Variants in BAZ2B observed in about 807,000 individuals in gnomAD.
BAZ2B encodes the protein bromodomain adjacent to zinc finger domain protein 2B.
In BAZ2B, 91 loss-of-function variants were observed where a neutral mutation model predicts 246.0. The ratio of observed to expected loss-of-function variants is 0.37; its 90% confidence interval spans 0.31 to 0.44. The LOEUF is 0.44. Among genes scored for constraint, BAZ2B ranks in the 20% least tolerant of loss-of-function variants. The probability of loss-of-function intolerance (pLI) is 1.00; values close to 1 mark genes in which losing one functional copy is unlikely to be tolerated. For synonymous variants in BAZ2B, 855 were observed against 860.0 expected, an observed-to-expected ratio of 0.99 and a Z score of 0.10; for missense variants, 2,332 against 2,533.7, an observed-to-expected ratio of 0.92 and a Z score of 1.71.
intron 2 of BAZ2B, among the ~76,000 whole-genome samples, chr2:159,529,431 A>C (rs1033663584): frequency 3.9e-5 from 6 of 152,146 alleles, no homozygotes; most frequent in African/African-American, 1.2e-4. Context: ...TTATTCTTGG[A>C]ATATGCAAAG....
the BAZ2B span, among the ~76,000 whole-genome samples, chr2:159,677,408 GAA>G: frequency 6.6e-6 from 1 of 151,778 alleles, no homozygotes. Context: ...ATTATATGTA[GAA>G]GACATAAAAT....
At chr2:159,373,710 T>G (rs936121899) in intron 26 of BAZ2B, among the ~76,000 whole-genome samples, 3 of 152,006 alleles carry the variant, frequency 2.0e-5, no homozygotes, top group African/African-American at 7.3e-5. Flanking sequence ...CACATGCCTG[T>G]AGTTCCACCA....
At chr2:159,701,911 T>C in the BAZ2B span, among the ~76,000 whole-genome samples, 2 of 151,974 alleles carry the variant, frequency 1.3e-5, no homozygotes, top group African/African-American at 4.8e-5. Context: ...GTATTTTTAG[T>C]AGAGAAAGGG....
intron 1 of BAZ2B, among the ~76,000 whole-genome samples, chr2:159,608,100 C>T (rs1003765771): frequency 1.3e-5 from 2 of 152,176 alleles, no homozygotes; most frequent in Non-Finnish European, 2.9e-5. Flanking sequence ...TCAGGCCAGG[C>T]GTGGTGGCTC....
chr2:159,676,944 T>A, the BAZ2B span, among the ~76,000 whole-genome samples: 1 of 139,126 alleles, frequency 7.2e-6, no homozygotes, highest in Non-Finnish European at 1.5e-5. Flanking sequence ...GTGGTTAAAA[T>A]AGTTTTGTTA....
chr2:159,536,405 A>G (rs552184744), intron 2 of BAZ2B: 7 of 152,360 alleles, frequency 4.6e-5, no homozygotes, highest in Admixed American at 2.0e-4. Context: ...ATGAAATAAT[A>G]GCGTATTTAA....
At chr2:159,633,905 G>T in the BAZ2B span, among the ~76,000 whole-genome samples, 2 of 151,784 alleles carry the variant, frequency 1.3e-5, no homozygotes, top group African/African-American at 4.8e-5. Context: ...ACATCCAGCT[G>T]ATTTTTGTAT....
intron 34 of BAZ2B, among the ~76,000 whole-genome samples, chr2:159,331,137 C>T (rs2064684799): frequency 6.6e-6 from 1 of 152,128 alleles, no homozygotes; most frequent in African/African-American, 2.4e-5. Context: ...TGGATGGGAT[C>T]TGAGGCACAA....
chr2:159,344,190 T>C (rs2067314292), intron 31 of BAZ2B, among the ~76,000 whole-genome samples: 1 of 152,034 alleles, frequency 6.6e-6, no homozygotes, highest in South Asian at 2.1e-4. Flanking sequence ...TATCATATGA[T>C]CCAGCAATCC....
At chr2:159,623,288 T>C in the BAZ2B span, among the ~76,000 whole-genome samples, 4 of 151,966 alleles carry the variant, frequency 2.6e-5, no homozygotes, top group Non-Finnish European at 5.9e-5. Context: ...GAAGATCACT[T>C]GAGCCTAGGT....
chr2:159,657,595 A>C, the BAZ2B span, among the ~76,000 whole-genome samples: 1 of 152,224 alleles, frequency 6.6e-6, no homozygotes, highest in Admixed American at 6.5e-5. Context: ...ATCCATGTAC[A>C]TGGAATATCT....
Position 159,335,234 on chromosome 2 carries a change from A to C in BAZ2B, c.5796+1708T>G, listed in dbSNP as rs2065423451. ...GGTAAAAACACTATTAAATGAATCA[A>C]ACAGTGCCTTAAAATTTATAGTAAA... is the stretch of plus-strand genomic sequence containing the variant. On this transcript the variant is annotated intron_variant, in intron 33 of 36. Coordinates refer to ENST00000392783, the MANE Select transcript of BAZ2B (RefSeq NM_013450.4). Among the ~76,000 whole-genome samples, 2 of 152,218 alleles carry C rather than the reference A, an allele frequency of 1.3e-5. 1 individual carries two copies. Among genetic ancestry groups the C allele is most frequent in the South Asian group, 4.1e-4 (2 of 4,832 alleles).
intron 27 of BAZ2B, among the ~76,000 whole-genome samples, chr2:159,351,396 A>T (rs967686467): frequency 6.6e-6 from 1 of 152,210 alleles, no homozygotes; most frequent in Admixed American, 6.5e-5. Flanking sequence ...CCAATTATTC[A>T]CTATTATAAA....
At position 159,438,071 on chromosome 2, in the gene BAZ2B, G is replaced by A. The variant is rs113780394; in HGVS notation, c.1293+232C>T. On this transcript the variant is annotated intron_variant, in intron 8 of 36. Transcript: ENST00000392783. ...TGGGGACTTACCTTAGGCATGGGTTGCAGGGGAGCTGGAATGACATGATTG... is the reference window on the plus strand; with the variant it reads ...TGGGGACTTACCTTAGGCATGGGTTACAGGGGAGCTGGAATGACATGATTG... The A allele has an allele frequency of 3.5e-5, 15 of 431,852 alleles. 3 individuals carry two copies. Among genetic ancestry groups the A allele is most frequent in the African/African-American group, 2.4e-4 (12 of 49,116 alleles). The allele number at this position is 431,852 out of a possible 1,614,324, so 26.8% of individuals were successfully genotyped here.
Position 159,477,326 on chromosome 2 carries a change from A to T in BAZ2B, c.145+1249T>A, listed in dbSNP as rs867206339. ...TCTCAAAAAAATAAAAAAATTAAAA[A>T]ATATATATATATGTGTATATATACA... is the stretch of plus-strand genomic sequence containing the variant. On this transcript the variant is annotated intron_variant, in intron 3 of 36. Coordinates refer to ENST00000392783, the MANE Select transcript of BAZ2B (RefSeq NM_013450.4). Among the ~76,000 whole-genome samples, 97 of 151,558 alleles carry T rather than the reference A, an allele frequency of 6.4e-4. 1 individual carries two copies. The highest frequency in any genetic ancestry group is 1.3e-3 in the South Asian group (6 of 4,786).
rs147743862 is a variant in BAZ2B, at chr2:159,346,717, C to T, written c.5454+769G>A. On this transcript the variant is annotated intron_variant, in intron 31 of 36. Transcript: ENST00000392783. ...AACAAAAAACAAAAAAACAAAAAAC[C>T]CCCAAACCAAAACAGAACCTTAGCA... is the stretch of plus-strand genomic sequence containing the variant. Among the ~76,000 whole-genome samples the T allele has an allele frequency of 7.7e-3, 1,174 of 152,048 alleles. 8 individuals carry two copies. Among genetic ancestry groups the T allele is most frequent in the African/African-American group, 0.027 (1,105 of 41,498 alleles).
intron 27 of BAZ2B, among the ~76,000 whole-genome samples, chr2:159,367,681 C>T (rs377699715): frequency 7.9e-5 from 12 of 152,046 alleles, no homozygotes; most frequent in Middle Eastern, 3.4e-3. Flanking sequence ...GTCAGGAGAT[C>T]GAGACCATCC....
Position 159,582,281 on chromosome 2 carries a change from T to A in BAZ2B, c.-45-26416A>T, listed in dbSNP as rs545563926. The stretch of plus-strand genomic sequence containing the variant: ...ACCATTTTAAAGTAGTTCTGGAAAC[T>A]GCCATCAGCAGGGCCAAAGGGAATA... On this transcript the variant is annotated intron_variant, in intron 1 of 36. Coordinates refer to ENST00000392783, the MANE Select transcript of BAZ2B (RefSeq NM_013450.4). 2.0e-5 allele frequency among the ~76,000 whole-genome samples: 3 copies of A among 152,366 alleles called. No homozygotes were observed. The South Asian group carries it at 6.2e-4, about 32-fold the overall frequency.
At chr2:159,620,526 T>A (rs1454199445), upstream of BAZ2B, among the ~76,000 whole-genome samples, 1 of 152,194 alleles carries the variant, frequency 6.6e-6, no homozygotes, top group Non-Finnish European at 1.5e-5. Context: ...ATGAGGCAAC[T>A]AATTCTCACT....
Sources: allele counts gnomAD v4.1 joint callset (sites outside exome capture counted in the v4.1 genomes callset), GRCh38; gene constraint gnomAD v4.1.1; transcripts MANE v1.5; gene names NCBI Gene and HGNC (gene_info 2026-07-23, HGNC 2026-07-21).